SLC66A3: variants seen among roughly 807,000 people sequenced by gnomAD.
SLC66A3 encodes PQ loop repeat containing 3.
Under a neutral mutation model 25.5 loss-of-function variants are expected in SLC66A3, and 23 were observed. The ratio of observed to expected loss-of-function variants is 0.90; its 90% CI spans 0.65 to 1.28. The LOEUF (loss-of-function observed/expected upper bound fraction) is 1.28. SLC66A3 is among the 50% of genes most tolerant of loss of function. The probability of loss-of-function intolerance (pLI) is 0.00; values close to 1 mark genes in which losing one functional copy is unlikely to be tolerated. For synonymous variants in SLC66A3, 108 were observed against 112.6 expected (o/e 0.96, Z 0.26); for missense variants, 246 against 262.1 (o/e 0.94, Z 0.42).
rs1161882465 is a variant in SLC66A3, at chr2:11,164,327, T to TTA, written c.354+84_354+85dup. 958 of 175,992 alleles carry TTA rather than the reference T, an allele frequency of 5.4e-3. 49 individuals are homozygous for TTA. The highest frequency in any genetic ancestry group is 9.5e-3 in the African/African-American group (271 of 28,408). The allele number at this position is 175,992 out of a possible 1,614,324, so 10.9% of individuals were successfully genotyped here. ...ACCTTGGAGAGAACTTGATAGATAT[T>TTA]TATATATATATATATATATTTTTTT... On this transcript the variant is annotated intron_variant, in intron 4 of 6. Transcript: ENST00000295083.
Position 11,164,235 on chromosome 2 carries a change from C to A in SLC66A3, c.328C>A (p.Gln110Lys). ...GTCTTCTTGGTTCATCCTTGCCCTGCAGAAGTGGATCATAGACCTGGCCAT... is the reference window on the plus strand; with the variant it reads ...GTCTTCTTGGTTCATCCTTGCCCTGAAGAAGTGGATCATAGACCTGGCCAT... ...LVSSWFILAL[Q>K]KWIIDLAMNL... The change falls in exon 4 of 7, where the codon CAG becomes AAG. Residue 110 changes from glutamine (Q) to lysine (K), a missense_variant. By Grantham distance (53) the Gln-to-Lys change is moderately conservative (BLOSUM62 1). This residue lies in a region of SLC66A3 where 11 missense variants were observed against 29.2 expected (regional missense o/e 0.38). Coordinates refer to ENST00000295083, the MANE Select transcript of SLC66A3 (RefSeq NM_152391.5). The A allele has an allele frequency of 6.4e-7, 1 of 1,574,098 alleles. No homozygotes were observed. The highest frequency in any genetic ancestry group is 8.6e-7 in the Non-Finnish European group (1 of 1,163,514).
At chr2:11,168,106 T>C (rs60755751) in intron 4 of SLC66A3, among the ~76,000 whole-genome samples, 2,282 of 152,074 alleles carry the variant, frequency 0.015, 42 homozygotes, top group African/African-American at 0.043. Flanking sequence ...CGGTGAAACC[T>C]CGTCTCTACT....
intron 4 of SLC66A3, among the ~76,000 whole-genome samples, chr2:11,170,592 C>CTTT (rs35403631): frequency 2.8e-5 from 4 of 144,548 alleles, no homozygotes; most frequent in Non-Finnish European, 4.5e-5. Flanking sequence ...TATCTCAGTA[C>CTTT]TTTTTTTTTT....
At chr2:11,158,722 G>C (rs1572174684) in intron 1 of SLC66A3, among the ~76,000 whole-genome samples, 1 of 152,024 alleles carries the variant, frequency 6.6e-6, no homozygotes, top group East Asian at 1.9e-4. Flanking sequence ...TCGGGAGGCT[G>C]AGCAGGAGAA....
chr2:11,176,525 CTTTT>C (rs775778444), intron 6 of SLC66A3, among the ~76,000 whole-genome samples: 1 of 87,306 alleles, frequency 1.1e-5, no homozygotes, highest in South Asian at 5.1e-4. Flanking sequence ...CTGGGAATAA[CTTTT>C]TTTTTTTTTT....
At chr2:11,155,850 G>A (rs548821993) in intron 1 of SLC66A3, among the ~76,000 whole-genome samples, 161 bp downstream of exon 1, 1 of 152,298 alleles carries the variant, frequency 6.6e-6, no homozygotes, top group African/African-American at 2.4e-5. Context: ...GGGGCTCGGG[G>A]TGCTCTTCCC....
Position 11,172,069 on chromosome 2 carries a change from G to T in SLC66A3, c.475+24G>T, listed in dbSNP as rs777543744. 6.2e-6 allele frequency: 10 copies of T among 1,612,200 alleles called. No homozygotes were observed. The South Asian group carries it at 1.1e-4, about 18-fold the overall frequency. On this transcript the variant is annotated intron_variant, in intron 5 of 6. Transcript: ENST00000295083. Reference sequence around the variant, plus strand: ...AAGTAAGAACCGGACTCACATGGTGGGGAGGCCTTTGGTAGCACCAAGTGT... The same window carrying T: ...AAGTAAGAACCGGACTCACATGGTGTGGAGGCCTTTGGTAGCACCAAGTGT...
intron 4 of SLC66A3, among the ~76,000 whole-genome samples, chr2:11,169,332 C>A (rs1446696238): frequency 2.0e-5 from 3 of 152,178 alleles, no homozygotes; most frequent in Admixed American, 2.0e-4. Context: ...TCCTGGGGAC[C>A]CAGCAGGAAA....
At chr2:11,158,353 A>G (rs1483452785) in intron 1 of SLC66A3, among the ~76,000 whole-genome samples, 1 of 151,932 alleles carries the variant, frequency 6.6e-6, no homozygotes, top group Non-Finnish European at 1.5e-5. Flanking sequence ...CCCCATCTCT[A>G]CTAAAAACAC....
intron 4 of SLC66A3, among the ~76,000 whole-genome samples, chr2:11,165,590 C>T (rs573962929): frequency 1.3e-3 from 195 of 151,950 alleles, no homozygotes; most frequent in African/African-American, 3.8e-3. Context: ...CAGGCAGAGA[C>T]GCTCCTCACT....
chr2:11,177,665 T>TA (rs2148006794), intron 6 of SLC66A3, 72 bp from the exon 7 acceptor site: 2 of 917,170 alleles, frequency 2.2e-6, no homozygotes, highest in East Asian at 5.0e-5. Context: ...TTTAGGCTTA[T>TA]ACTTTGAGCA....
chr2:11,174,760 A>G (rs1409117963), intron 5 of SLC66A3, among the ~76,000 whole-genome samples: 1 of 152,168 alleles, frequency 6.6e-6, no homozygotes, highest in African/African-American at 2.4e-5. Flanking sequence ...GCTAGTTTTT[A>G]TGTAATTATG....
intron 4 of SLC66A3, among the ~76,000 whole-genome samples, chr2:11,169,166 C>T (rs1011641703): frequency 6.6e-6 from 1 of 152,156 alleles, no homozygotes; most frequent in Non-Finnish European, 1.5e-5. Context: ...CCTCCCTTCT[C>T]CATAATTCTT....
chr2:11,175,881 AT>A (rs949850020), intron 6 of SLC66A3, among the ~76,000 whole-genome samples: 2 of 152,210 alleles, frequency 1.3e-5, no homozygotes, highest in Non-Finnish European at 2.9e-5. Context: ...GCTAATTATT[AT>A]TTGAGAAATA....
intron 1 of SLC66A3, among the ~76,000 whole-genome samples, chr2:11,156,005 G>T (rs1661886423): frequency 6.6e-6 from 1 of 152,234 alleles, no homozygotes; most frequent in African/African-American, 2.4e-5. Flanking sequence ...CTGGCCCTGA[G>T]CAAGGCCATT....
chr2:11,168,902 G>T (rs1662448934), intron 4 of SLC66A3, among the ~76,000 whole-genome samples: 1 of 152,040 alleles, frequency 6.6e-6, no homozygotes, highest in Non-Finnish European at 1.5e-5. Context: ...CTGTTGTTCA[G>T]GCTAGAGTGC....
intron 6 of SLC66A3, among the ~76,000 whole-genome samples, chr2:11,177,515 T>C (rs1409149599): frequency 6.6e-6 from 1 of 152,048 alleles, no homozygotes; most frequent in African/African-American, 2.4e-5. Flanking sequence ...CACATTACTG[T>C]CAATTGAGCA....
chr2:11,169,600 C>G (rs1662472507), intron 4 of SLC66A3, among the ~76,000 whole-genome samples: 1 of 152,104 alleles, frequency 6.6e-6, no homozygotes, highest in South Asian at 2.1e-4. Flanking sequence ...GCTGGTTCCT[C>G]CTCAGCTCCC....
At position 11,177,984 on chromosome 2, in the gene SLC66A3, A is replaced by C; in HGVS notation, c.*156A>C. 1 of 586,238 alleles carries C rather than the reference A, an allele frequency of 1.7e-6. No homozygotes were observed. The highest frequency in any genetic ancestry group is 3.0e-6 in the Non-Finnish European group (1 of 336,360). 36.3% of individuals were successfully genotyped at this position (586,238 alleles called of 1,614,324 possible). On this transcript the variant is annotated 3_prime_UTR_variant, in exon 7 of 7. Coordinates refer to ENST00000295083, the MANE Select transcript of SLC66A3 (RefSeq NM_152391.5). ...TAGACTTGAAAGAAAGAGCCACTTA[A>C]ATTCTTGTTTAAAAATACCAATTTG...
Sources: allele counts gnomAD v4.1 joint callset (sites outside exome capture counted in the v4.1 genomes callset), GRCh38; gene constraint gnomAD v4.1.1; regional missense constraint gnomAD v4.1.1; transcripts MANE v1.5; gene names NCBI Gene and HGNC (gene_info 2026-07-23, HGNC 2026-07-21).